The following POLQ variants were observed in gnomAD, a reference collection of about 807,000 sequenced individuals.
POLQ encodes the protein epididymis secretory sperm binding protein.
Under a neutral mutation model 259.2 loss-of-function variants are expected in POLQ, and 233 were observed. The observed-to-expected ratio is 0.90, with a 90% CI of 0.81 to 1.00. The LOEUF is 1.00. POLQ is among the 50% of genes least tolerant of loss of function. The pLI is 0.00. For synonymous variants in POLQ, 1,025 were observed against 1,048.8 expected, an observed-to-expected ratio of 0.98 and a Z score of 0.44; for missense variants, 2,871 against 3,051.6, an observed-to-expected ratio of 0.94 and a Z score of 1.39.
chr3:121,450,850 G>C (rs892498021), intron 25 of POLQ, among the ~76,000 whole-genome samples: 1 of 152,082 alleles, frequency 6.6e-6, no homozygotes, highest in African/African-American at 2.4e-5. Context: ...TGCTAGATTG[G>C]GGAAGTTCTC....
intron 12 of POLQ, among the ~76,000 whole-genome samples, chr3:121,504,457 A>C (rs2048194609): frequency 6.6e-6 from 1 of 152,158 alleles, no homozygotes; most frequent in Admixed American, 6.5e-5. Context: ...GAAATCTACT[A>C]AACATTTAAA....
In POLQ at chr3:121,485,149, C is replaced by T; in HGVS notation, c.5665G>A (p.Gly1889Arg). ...SPQEIPIRDD[G>R]FPIKGCDDTL... ...TCATCACAACCTTTAATGGGAAATCCATCATCTCTAATAGGAATTTCCTGA... is the reference window on the plus strand; with the variant it reads ...TCATCACAACCTTTAATGGGAAATCTATCATCTCTAATAGGAATTTCCTGA... The change falls in exon 17 of 30, where the codon GGA (glycine) becomes AGA (arginine). Residue 1889 changes from glycine (G) to arginine (R), a missense_variant. Coordinates refer to ENST00000264233, the MANE Select transcript of POLQ (RefSeq NM_199420.4). The T allele has an allele frequency of 6.2e-7, 1 of 1,608,850 alleles. No homozygotes were observed. The highest frequency in any genetic ancestry group is 2.2e-5 in the East Asian group (1 of 44,730).
chr3:121,481,515 T>C, intron 19 of POLQ, 57 bp downstream of exon 19: 1 of 1,455,644 alleles, frequency 6.9e-7, no homozygotes, highest in South Asian at 1.4e-5. Context: ...TGATAAAGAG[T>C]GGCTAAATCT....
intron 25 of POLQ, among the ~76,000 whole-genome samples, chr3:121,454,491 T>C (rs2047712771): frequency 6.6e-6 from 1 of 152,066 alleles, no homozygotes; most frequent in South Asian, 2.1e-4. Context: ...GAGACCCATC[T>C]CACGTGCAGA....
At chr3:121,499,443 C>G (rs1273869489) in intron 12 of POLQ, among the ~76,000 whole-genome samples, 1 of 152,022 alleles carries the variant, frequency 6.6e-6, no homozygotes, top group African/African-American at 2.4e-5. Flanking sequence ...TTTGGTGAAA[C>G]TGGGTTTTAT....
intron 7 of POLQ, among the ~76,000 whole-genome samples, chr3:121,529,030 T>A (rs1446161344): frequency 6.6e-6 from 1 of 152,234 alleles, no homozygotes; most frequent in Non-Finnish European, 1.5e-5. Context: ...TATCTACATA[T>A]GTTTTAGGCT....
intron 26 of POLQ, among the ~76,000 whole-genome samples, chr3:121,447,262 C>G (rs778390518): frequency 9.9e-5 from 15 of 151,482 alleles, no homozygotes; most frequent in Non-Finnish European, 2.1e-4. Flanking sequence ...CCTCCGCCTC[C>G]TGGGTTCAAG....
intron 5 of POLQ, among the ~76,000 whole-genome samples, chr3:121,535,921 T>C (rs1185641535): frequency 6.6e-6 from 1 of 152,002 alleles, no homozygotes; most frequent in African/African-American, 2.4e-5. Flanking sequence ...ATATAGCACA[T>C]ATATAGATTA....
intron 26 of POLQ, among the ~76,000 whole-genome samples, chr3:121,442,240 A>G (rs2047598772): frequency 6.6e-6 from 1 of 152,190 alleles, no homozygotes; most frequent in Non-Finnish European, 1.5e-5. Context: ...ATGCATAATA[A>G]TCACATGAGG....
At chr3:121,501,181 A>G (rs1326920442) in intron 12 of POLQ, among the ~76,000 whole-genome samples, 1 of 152,030 alleles carries the variant, frequency 6.6e-6, no homozygotes, top group Non-Finnish European at 1.5e-5. Context: ...GCTGGTCTCA[A>G]ACTTCTAGGC....
rs1464798499 is a variant in POLQ at position 121,473,451 on chromosome 3, C to G, written c.6442G>C (p.Glu2148Gln). 2 of 1,613,590 alleles carry G rather than the reference C, an allele frequency of 1.2e-6. No homozygotes were observed. Among genetic ancestry groups the G allele is most frequent in the Non-Finnish European group, 1.7e-6 (2 of 1,179,712 alleles). The change falls in exon 21 of 30, where the codon GAG (glutamate) becomes CAG (glutamine). Residue 2148 changes from glutamate to glutamine, a missense_variant. Physicochemically the swap from Glu to Gln is conservative, Grantham distance 29. Transcript: ENST00000264233. ...TTCTTGCTGCCTTGGTTTTTCATCT[C>G]TCTATTTGGGGGCAACTTCAATTCC... ...FLELKLPPNR[E>Q]MKNQGSKKTL...
chr3:121,524,384 T>C (rs1001067990), intron 7 of POLQ, among the ~76,000 whole-genome samples: 22 of 152,166 alleles, frequency 1.4e-4, no homozygotes, highest in African/African-American at 5.3e-4. Context: ...AATATCCTAA[T>C]ATTCTGTGAC....
rs943931087 is a variant in POLQ, at chr3:121,523,374, T to G, written c.1109-1225A>C. ...ATACTTATATGTTGTCTTTAAAAAT[T>G]TTCCAGACTTTTGGATTTTTGAACT... On this transcript the variant is annotated intron_variant, in intron 7 of 29. Transcript: ENST00000264233. Among the ~76,000 whole-genome samples, 6 of 152,272 alleles carry G rather than the reference T, an allele frequency of 3.9e-5. No individual in the cohort carries two copies. In the East Asian group the frequency reaches 5.8e-4, roughly 15 times the overall value.
At chr3:121,535,981 A>G (rs1380689374) in intron 5 of POLQ, among the ~76,000 whole-genome samples, 1 of 152,192 alleles carries the variant, frequency 6.6e-6, no homozygotes, top group East Asian at 1.9e-4. Context: ...AAAATCTTCA[A>G]GAAGATGACT....
intron 27 of POLQ, among the ~76,000 whole-genome samples, chr3:121,439,167 C>T (rs1232879781): frequency 1.3e-5 from 2 of 151,234 alleles, no homozygotes; most frequent in African/African-American, 4.9e-5. Flanking sequence ...CTTTTAAGTG[C>T]CGTTAAAAAT....
intron 14 of POLQ, chr3:121,494,963 CAAA>C (rs35833957): frequency 3.0e-4 from 159 of 538,554 alleles, no homozygotes; most frequent in Middle Eastern, 1.1e-3. Flanking sequence ...TACAAATTTT[CAAA>C]AAAAAAAAAA....
chr3:121,470,213 C>G (rs1000590730), intron 22 of POLQ, among the ~76,000 whole-genome samples: 25 of 152,054 alleles, frequency 1.6e-4, no homozygotes, highest in African/African-American at 5.6e-4. Flanking sequence ...GAGCCGAGAT[C>G]ACGCCACTGC....
rs1228960667 is a variant in POLQ, at chr3:121,510,153, G to A, written c.1702C>T (p.Gln568Ter). 1.9e-6 allele frequency: 3 copies of A among 1,613,784 alleles called. No individual in the cohort carries two copies. Among genetic ancestry groups the A allele is most frequent in the East Asian group, 2.2e-5 (1 of 44,884 alleles). ...GACTCTTGATTTCTCTGAATTCCTT[G>A]CTTCCCTTCTTTCATACTTGCAGCC... ...FLAASMKEGK[Q>*]GIQRNQESVQ... The change falls in exon 11 of 30, where the codon CAA becomes TAA. Residue 568 changes from glutamine (Q) to a stop codon, truncating the protein, a stop_gained. Transcript: ENST00000264233. LOFTEE classifies it high-confidence loss of function.
chr3:121,529,646 C>T lies in POLQ; in HGVS notation c.1107G>A (p.Glu369=), dbSNP rs763740598. 6.2e-7 allele frequency: 1 copy of T among 1,613,160 alleles called. No homozygotes were observed. Among genetic ancestry groups the T allele is most frequent in the South Asian group, 1.1e-5 (1 of 90,970 alleles). ...REFYNLHHQA[E]GLVKPSECPP... ...CTTTCCTTTCCATCCATAACTCACC[C>T]TCAGCTTGATGATGTAGATTATAAA... The change falls in exon 7 of 30, where the codon GAG becomes GAA. Residue 369 remains glutamate (E), a splice_region_variant and synonymous_variant. Coordinates refer to ENST00000264233, the MANE Select transcript of POLQ (RefSeq NM_199420.4).
Sources: allele counts gnomAD v4.1 joint callset (sites outside exome capture counted in the v4.1 genomes callset), GRCh38; gene constraint gnomAD v4.1.1; transcripts MANE v1.5; gene names NCBI Gene and HGNC (gene_info 2026-07-23, HGNC 2026-07-21).